Variants in DYNC2LI1 observed in about 807,000 individuals in gnomAD.
The protein encoded by DYNC2LI1 is dynein cytoplasmic 2 light intermediate chain 1.
Under a neutral mutation model 51.9 loss-of-function variants are expected in DYNC2LI1, and 45 were observed. The ratio of observed to expected loss-of-function variants is 0.87; its 90% CI spans 0.68 to 1.11. The LOEUF is 1.11. DYNC2LI1 is among the 50% of genes most tolerant of loss of function. DYNC2LI1 has a pLI of 0.00. For missense variants in DYNC2LI1, 490 were observed against 417.4 expected (o/e 1.17, Z -1.51); for synonymous variants, 130 against 137.8 (o/e 0.94, Z 0.40).
At chr2:43,789,833 G>C in intron 5 of DYNC2LI1, 112 bp downstream of exon 5, 1 of 815,968 alleles carries the variant, frequency 1.2e-6, no homozygotes, top group Non-Finnish European at 1.9e-6. Context: ...TGTTGCTGAA[G>C]GCTTATGCCC....
chr2:43,807,831 A>C (rs1275031982), intron 12 of DYNC2LI1, among the ~76,000 whole-genome samples: 2 of 151,988 alleles, frequency 1.3e-5, no homozygotes, highest in African/African-American at 4.8e-5. Context: ...TATCTTCGGA[A>C]AACTTTACTT....
Position 43,807,626 on chromosome 2 carries a change from C to G in DYNC2LI1, c.994-2079C>G, listed in dbSNP as rs147357270. Among the ~76,000 whole-genome samples the G allele has an allele frequency of 3.0e-3, 460 of 151,146 alleles. 4 individuals carry two copies. Among genetic ancestry groups the G allele is most frequent in the African/African-American group, 0.011 (436 of 41,212 alleles). On this transcript the variant is annotated intron_variant, in intron 12 of 12. Coordinates refer to ENST00000260605, the MANE Select transcript of DYNC2LI1 (RefSeq NM_016008.4). Reference sequence around the variant, plus strand: ...GGGTAATTTTTTTGTTTTTTGTTGCCCAGGCTGGTCTTCAACTCCTCGCCT... The same window carrying G: ...GGGTAATTTTTTTGTTTTTTGTTGCGCAGGCTGGTCTTCAACTCCTCGCCT...
At chr2:43,819,873 C>G in the DYNC2LI1 span, 3 of 1,597,932 alleles carry the variant, frequency 1.9e-6, no homozygotes, top group Non-Finnish European at 2.6e-6. Context: ...TCATTAATAA[C>G]AGATTATCCC....
At chr2:43,783,637 G>A in intron 3 of DYNC2LI1, 83 bp downstream of exon 3, 1 of 857,116 alleles carries the variant, frequency 1.2e-6, no homozygotes, top group South Asian at 2.5e-5. Context: ...ACATAAGGAA[G>A]GGGAACGATT....
chr2:43,796,773 A>C lies in DYNC2LI1; in HGVS notation c.632A>C (p.His211Pro). 6.2e-7 allele frequency: 1 copy of C among 1,613,688 alleles called. No individual in the cohort carries two copies. Among genetic ancestry groups the C allele is most frequent in the Non-Finnish European group, 8.5e-7 (1 of 1,179,736 alleles). ...TGCAAGACACTTCGATTTGTTGCAC[A>C]TTATTATGGAGCATCATTAATGGTT... ...VICKTLRFVA[H>P]YYGASLMFTS... is the part of the protein sequence containing the mutation. Residue 211 changes from histidine (H) to proline (P), a missense_variant, in exon 8 of 13, where the codon CAT becomes CCT. By Grantham distance (77) the His-to-Pro change is moderately conservative. Transcript: ENST00000260605.
the DYNC2LI1 span, among the ~76,000 whole-genome samples, chr2:43,820,846 G>T: frequency 6.6e-6 from 1 of 152,078 alleles, no homozygotes; most frequent in Non-Finnish European, 1.5e-5. Flanking sequence ...TAGAGATGGG[G>T]TTTTGCCATA....
chr2:43,824,934 A>G, the DYNC2LI1 span: 18 of 1,614,098 alleles, frequency 1.1e-5, no homozygotes, highest in East Asian at 3.8e-4. Context: ...GGGTAACCGC[A>G]GTCATTGAAG....
intron 12 of DYNC2LI1, among the ~76,000 whole-genome samples, chr2:43,808,262 A>AG (rs1373745569): frequency 2.2e-4 from 26 of 118,826 alleles, no homozygotes; most frequent in African/African-American, 8.5e-4. Flanking sequence ...AGGAAGTTAA[A>AG]GGAAAAAAAA....
At chr2:43,824,862 G>A in the DYNC2LI1 span, 4 of 1,612,658 alleles carry the variant, frequency 2.5e-6, no homozygotes, top group African/African-American at 5.3e-5. Context: ...AAACATTCAT[G>A]ATGGGGAATG....
Position 43,787,241 on chromosome 2 carries a change from G to A in DYNC2LI1, c.222G>A (p.Gly74=). The part of the protein sequence containing the change: ...LEYTYGRRAK[G]HNTPKDIAHF... ...ATACATATGGAAGAAGAGCAAAAGG[G>A]CACAACACAGTAAGTGTCTTTTAAA... The change falls in exon 4 of 13, where the codon GGG becomes GGA. Residue 74 remains glycine, a synonymous_variant. Coordinates refer to ENST00000260605, the MANE Select transcript of DYNC2LI1 (RefSeq NM_016008.4). 2 of 1,612,468 alleles carry A rather than the reference G, an allele frequency of 1.2e-6. No individual in the cohort carries two copies. Among genetic ancestry groups the A allele is most frequent in the Non-Finnish European group, 1.7e-6 (2 of 1,178,926 alleles).
chr2:43,814,439 T>C, downstream of DYNC2LI1: 1 of 1,357,424 alleles, frequency 7.4e-7, no homozygotes, highest in Non-Finnish European at 1.1e-6. Flanking sequence ...TTCCTCAGAG[T>C]AACATGCAAA....
chr2:43,790,071 T>A (rs571624060), intron 5 of DYNC2LI1, among the ~76,000 whole-genome samples: 1 of 152,356 alleles, frequency 6.6e-6, no homozygotes, highest in African/African-American at 2.4e-5. Flanking sequence ...CAGTATGAGT[T>A]AATTCGGCTC....
intron 12 of DYNC2LI1, among the ~76,000 whole-genome samples, chr2:43,806,782 T>C (rs1472968176): frequency 6.6e-6 from 1 of 152,192 alleles, no homozygotes; most frequent in Non-Finnish European, 1.5e-5. Flanking sequence ...CTTAAAACCA[T>C]AAGAATTTTG....
downstream of DYNC2LI1, among the ~76,000 whole-genome samples, chr2:43,811,025 G>A (rs571683937): frequency 2.2e-4 from 34 of 152,248 alleles, no homozygotes; most frequent in South Asian, 6.2e-3. Flanking sequence ...TTGAAGTCAC[G>A]TGTGATGTCA....
intron 2 of DYNC2LI1, among the ~76,000 whole-genome samples, chr2:43,777,488 C>T (rs1468972054): frequency 6.6e-6 from 1 of 152,154 alleles, no homozygotes; most frequent in Non-Finnish European, 1.5e-5. Flanking sequence ...CTTTGCCTGG[C>T]CCACAAAGTT....
At chr2:43,827,991 T>C in the DYNC2LI1 span, 2 of 1,614,060 alleles carry the variant, frequency 1.2e-6, no homozygotes, top group East Asian at 2.2e-5. Flanking sequence ...ACTAGGATCC[T>C]GGAGCAGCTG....
At chr2:43,808,654 A>C (rs144450814) in intron 12 of DYNC2LI1, among the ~76,000 whole-genome samples, 1 of 152,230 alleles carries the variant, frequency 6.6e-6, no homozygotes, top group Admixed American at 6.5e-5. Flanking sequence ...CTCCTTGTGA[A>C]AAAATTCAAG....
At chr2:43,826,433 C>A in the DYNC2LI1 span, 6 of 1,613,998 alleles carry the variant, frequency 3.7e-6, no homozygotes, top group African/African-American at 1.3e-5. Flanking sequence ...CAATTCGGTT[C>A]CTGCGAGCCA....
intron 2 of DYNC2LI1, 113 bp from the exon 3 acceptor site, chr2:43,783,407 T>C (rs1299270560): frequency 1.2e-6 from 1 of 821,196 alleles, no homozygotes; most frequent in Non-Finnish European, 1.9e-6. Flanking sequence ...AGTTTCCAGG[T>C]AATTTATCAT....
Sources: gnomAD v4.1 joint callset for allele counts (sites outside exome capture counted in the v4.1 genomes callset) on GRCh38, gnomAD v4.1.1 for gene constraint, MANE v1.5 for transcripts, NCBI Gene and HGNC (gene_info 2026-07-23, HGNC 2026-07-21) for gene names.